Variants in AGBL1 observed in about 807,000 individuals in gnomAD.
The protein encoded by AGBL1 is cytosolic carboxypeptidase 4.
In AGBL1, 130 loss-of-function variants were observed where a neutral mutation model predicts 118.9. That is an observed-to-expected ratio of 1.09 (90% CI 0.95 to 1.26). The LOEUF (loss-of-function observed/expected upper bound fraction) is 1.26. AGBL1 is among the 50% of genes most tolerant of loss of function. AGBL1 has a pLI of 0.00. For missense variants in AGBL1, 1,584 were observed against 1,298.1 expected, an observed-to-expected ratio of 1.22 and a Z score of -3.38; for synonymous variants, 555 against 478.9, an observed-to-expected ratio of 1.16 and a Z score of -2.08.
At chr15:86,777,217 T>C (rs927161010) in intron 22 of AGBL1, among the ~76,000 whole-genome samples, 1 of 152,126 alleles carries the variant, frequency 6.6e-6, no homozygotes, top group African/African-American at 2.4e-5. Flanking sequence ...TTTTTCCATG[T>C]TATGTTCCCT....
At chr15:86,729,148 A>G (rs1167289108) in intron 22 of AGBL1, among the ~76,000 whole-genome samples, 1 of 152,222 alleles carries the variant, frequency 6.6e-6, no homozygotes, top group East Asian at 1.9e-4. Flanking sequence ...CTGTCTTGCC[A>G]GGTCTCTAGA....
At chr15:86,954,478 A>T (rs1032190334) in intron 23 of AGBL1, among the ~76,000 whole-genome samples, 1 of 152,228 alleles carries the variant, frequency 6.6e-6, no homozygotes. Context: ...CTATAGAAAG[A>T]TTGAAATCAT....
At chr15:86,567,618 A>G (rs2083934620) in intron 21 of AGBL1, among the ~76,000 whole-genome samples, 1 of 152,376 alleles carries the variant, frequency 6.6e-6, no homozygotes, top group East Asian at 1.9e-4. Context: ...AATCATTTTT[A>G]CAGATAACCT....
intron 23 of AGBL1, among the ~76,000 whole-genome samples, chr15:86,974,018 T>A (rs56111581): frequency 6.6e-3 from 843 of 128,170 alleles, no homozygotes; most frequent in Non-Finnish European, 9.4e-3. Flanking sequence ...ACATATTTAA[T>A]ATATTAAATA....
downstream of AGBL1, among the ~76,000 whole-genome samples, chr15:86,920,108 G>C (rs568433348): frequency 6.6e-6 from 1 of 152,152 alleles, no homozygotes; most frequent in African/African-American, 2.4e-5. Flanking sequence ...AAGAGGCCTC[G>C]AAACTGAAAC....
At position 86,490,598 on chromosome 15, in the gene AGBL1, A is replaced by G. The variant is rs1045032539; in HGVS notation, c.2556-32212A>G. Among the ~76,000 whole-genome samples the G allele has an allele frequency of 3.9e-5, 6 of 152,240 alleles. No individual in the cohort carries two copies. In the East Asian group the frequency reaches 1.2e-3, roughly 30 times the overall value. On this transcript the variant is annotated intron_variant, in intron 18 of 22. Coordinates refer to ENST00000614907, the MANE Select transcript of AGBL1 (RefSeq NM_001386094.1). ...CATGACAATACCAATGTTCTAGAAC[A>G]AGTCCAACATGAGGATTTGCAATCT...
At chr15:86,200,555 C>T (rs887338247) in intron 5 of AGBL1, among the ~76,000 whole-genome samples, 13 of 141,194 alleles carry the variant, frequency 9.2e-5, no homozygotes, top group Non-Finnish European at 1.9e-4. Flanking sequence ...CCCCTACCCC[C>T]CCCCCCCTTT....
intron 18 of AGBL1, among the ~76,000 whole-genome samples, chr15:86,450,475 C>G (rs1015143696): frequency 5.3e-5 from 8 of 152,172 alleles, no homozygotes; most frequent in African/African-American, 1.9e-4. Context: ...ACTGTTTGCT[C>G]TAGAATGAAG....
At chr15:86,434,991 G>A (rs1297527466) in intron 18 of AGBL1, among the ~76,000 whole-genome samples, 1 of 152,160 alleles carries the variant, frequency 6.6e-6, no homozygotes, top group African/African-American at 2.4e-5. Flanking sequence ...CCAATAGTAA[G>A]TTTTTCTATT....
At chr15:86,299,096 G>A (rs1429738280) in intron 17 of AGBL1, among the ~76,000 whole-genome samples, 1 of 152,144 alleles carries the variant, frequency 6.6e-6, no homozygotes, top group Non-Finnish European at 1.5e-5. Flanking sequence ...TTTGCCAGCT[G>A]TGTACTTTAT....
rs545449525 is a variant in AGBL1, at chr15:86,911,523, G to A, written c.*4229G>A. 6.6e-6 allele frequency: 1 copy of A among 152,254 alleles called. No individual in the cohort carries two copies. Among genetic ancestry groups the A allele is most frequent in the South Asian group, 2.1e-4 (1 of 4,824 alleles). 9.4% of individuals were successfully genotyped at this position (152,254 alleles called of 1,614,324 possible). ...GCCCCAATCTCCTTGACAGCCTCAG[G>A]TTCTGACATTCTTTGTTCTCTTTGA... On this transcript the variant is annotated 3_prime_UTR_variant, in exon 23 of 23. Coordinates refer to ENST00000614907, the MANE Select transcript of AGBL1 (RefSeq NM_001386094.1).
chr15:86,891,715 TG>T (rs1257442328), intron 22 of AGBL1, among the ~76,000 whole-genome samples: 1 of 152,164 alleles, frequency 6.6e-6, no homozygotes, highest in African/African-American at 2.4e-5. Context: ...TCAAGTGACA[TG>T]GGTCATTATG....
chr15:86,462,631 G>A (rs2082348445), intron 18 of AGBL1, among the ~76,000 whole-genome samples: 2 of 151,904 alleles, frequency 1.3e-5, no homozygotes, highest in South Asian at 4.2e-4. Context: ...TCCCCTCCCT[G>A]TGCCCATATG....
intron 6 of AGBL1, among the ~76,000 whole-genome samples, chr15:86,245,503 A>G (rs2078705871): frequency 6.6e-6 from 1 of 152,212 alleles, no homozygotes; most frequent in Non-Finnish European, 1.5e-5. Flanking sequence ...CAAGAGGGCC[A>G]GGCATCTACT....
chr15:86,123,185 A>G (rs1293224822), intron 1 of AGBL1, among the ~76,000 whole-genome samples: 4 of 152,146 alleles, frequency 2.6e-5, no homozygotes, highest in Admixed American at 6.6e-5. Context: ...AGCCTGCTGC[A>G]TAGAGGTTTT....
chr15:86,956,802 AT>A (rs1355436649), intron 23 of AGBL1, among the ~76,000 whole-genome samples: 1 of 152,198 alleles, frequency 6.6e-6, no homozygotes, highest in Non-Finnish European at 1.5e-5. Flanking sequence ...AAAGAGCTAC[AT>A]TTTCATAGAG....
intron 22 of AGBL1, among the ~76,000 whole-genome samples, chr15:86,878,102 C>T (rs2079838450): frequency 6.6e-6 from 1 of 152,168 alleles, no homozygotes; most frequent in Non-Finnish European, 1.5e-5. Flanking sequence ...CTCAGCGATG[C>T]CACCCACAAA....
intron 22 of AGBL1, among the ~76,000 whole-genome samples, chr15:86,875,148 C>T (rs1015854841): frequency 6.6e-6 from 1 of 152,188 alleles, no homozygotes; most frequent in African/African-American, 2.4e-5. Flanking sequence ...GTCACAATTT[C>T]TCTTCCCTGT....
intron 5 of AGBL1, among the ~76,000 whole-genome samples, chr15:86,220,676 G>C (rs1303465806): frequency 6.6e-6 from 1 of 152,150 alleles, no homozygotes; most frequent in Non-Finnish European, 1.5e-5. Context: ...GATAGGATGT[G>C]GGCGGTTCCA....
Sources: allele counts gnomAD v4.1 joint callset (sites outside exome capture counted in the v4.1 genomes callset), GRCh38; gene constraint gnomAD v4.1.1; transcripts MANE v1.5; gene names NCBI Gene and HGNC (gene_info 2026-07-23, HGNC 2026-07-21).